The following ABCC9 variants were observed in gnomAD, a reference collection of about 807,000 sequenced individuals.
ABCC9 encodes the protein ATP binding cassette subfamily C member 9, also known as ATP-binding cassette sub-family C member 9.
Under a neutral mutation model 188.3 loss-of-function variants are expected in ABCC9, and 95 were observed. That is an observed-to-expected ratio of 0.50 (90% CI 0.43 to 0.60). ABCC9 has a LOEUF of 0.60. Among genes scored for constraint, ABCC9 ranks in the 20% least tolerant of loss-of-function variants. The probability of loss-of-function intolerance (pLI) is 0.00; values close to 1 mark genes in which losing one functional copy is unlikely to be tolerated. For synonymous variants in ABCC9, 659 were observed against 652.7 expected (o/e 1.01, Z -0.15); for missense variants, 1,102 against 1,876.3 (o/e 0.59, Z 7.62).
intron 12 of ABCC9, among the ~76,000 whole-genome samples, chr12:21,905,015 A>G (rs996067101): frequency 1.3e-5 from 2 of 152,218 alleles, no homozygotes; most frequent in African/African-American, 4.8e-5. Context: ...AATAGCAAAG[A>G]CTTGGACCAA....
intron 14 of ABCC9, among the ~76,000 whole-genome samples, chr12:21,891,977 C>G (rs1374513576): frequency 6.6e-6 from 1 of 152,178 alleles, no homozygotes; most frequent in Non-Finnish European, 1.5e-5. Context: ...TTAATGTTCT[C>G]TGCTTACCAG....
At chr12:21,859,761 C>T (rs1945412126) in intron 21 of ABCC9, 95 bp from the exon 22 acceptor site, 2 of 1,036,194 alleles carry the variant, frequency 1.9e-6, no homozygotes. Context: ...TTTTAAAAAT[C>T]TTAGATTGAT....
chr12:21,823,734 G>T (rs1367557276), intron 31 of ABCC9, among the ~76,000 whole-genome samples: 1 of 152,176 alleles, frequency 6.6e-6, no homozygotes, highest in African/African-American at 2.4e-5. Flanking sequence ...AGTCCAAAGG[G>T]ATGAAGAGAA....
chr12:21,911,082 T>A lies in ABCC9; in HGVS notation c.1012-104A>T, dbSNP rs553740002. On this transcript the variant is annotated intron_variant, in intron 8 of 39. Transcript: ENST00000261200. ...GATACATAATATTTAAATACAAAAA[T>A]TCAATGTATTTATTATACAGCAGTG... 125 of 1,103,526 alleles carry A rather than the reference T, an allele frequency of 1.1e-4. 2 individuals are homozygous for A. The highest frequency in any genetic ancestry group is 1.0e-3 in the South Asian group (71 of 69,388). The allele number at this position is 1,103,526 out of a possible 1,614,324, so 68.4% of individuals were successfully genotyped here.
At chr12:21,903,274 G>A (rs916093798) in intron 12 of ABCC9, among the ~76,000 whole-genome samples, 21 of 152,064 alleles carry the variant, frequency 1.4e-4, no homozygotes, top group African/African-American at 3.4e-4. Context: ...TTGATGGGAC[G>A]TATCTCAAAA....
Position 21,799,626 on chromosome 12 carries a change from C to G in ABCC9, c.*1418G>C, listed in dbSNP as rs895668299. ...GGTGAAGACACATATTCTGGATACACAACTATTACATATTTTCCAAGAGTG... is the reference window on the plus strand; with the variant it reads ...GGTGAAGACACATATTCTGGATACAGAACTATTACATATTTTCCAAGAGTG... On this transcript the variant is annotated 3_prime_UTR_variant, in exon 40 of 40. Transcript: ENST00000261200. 3.3e-5 allele frequency: 5 copies of G among 152,100 alleles called. No homozygotes were observed. The highest frequency in any genetic ancestry group is 9.7e-5 in the African/African-American group (4 of 41,412). 9.4% of individuals were successfully genotyped at this position (152,100 alleles called of 1,614,324 possible).
chr12:21,819,872 C>T (rs932204079), intron 31 of ABCC9, among the ~76,000 whole-genome samples: 26 of 152,150 alleles, frequency 1.7e-4, no homozygotes, highest in Admixed American at 5.2e-4. Context: ...ATAAATTCCA[C>T]AGAGGTAGTA....
At chr12:21,929,496 A>G (rs1240982378) in intron 4 of ABCC9, among the ~76,000 whole-genome samples, 1 of 152,080 alleles carries the variant, frequency 6.6e-6, no homozygotes, top group Non-Finnish European at 1.5e-5. Context: ...ATATTCTATT[A>G]GGAAAGACTT....
chr12:21,876,303 T>C (rs1164930687), intron 16 of ABCC9, among the ~76,000 whole-genome samples: 1 of 152,184 alleles, frequency 6.6e-6, no homozygotes, highest in Non-Finnish European at 1.5e-5. Context: ...ATCCCAAACA[T>C]TTCCCAATGA....
intron 12 of ABCC9, among the ~76,000 whole-genome samples, chr12:21,895,608 T>G (rs1476544423): frequency 6.6e-6 from 1 of 152,222 alleles, no homozygotes; most frequent in African/African-American, 2.4e-5. Flanking sequence ...ATGATAAAAA[T>G]TATTAGAATT....
chr12:21,928,660 A>G (rs7308081), intron 4 of ABCC9, among the ~76,000 whole-genome samples: 1 of 152,130 alleles, frequency 6.6e-6, no homozygotes. Context: ...TTAGAAAAAG[A>G]ATGACAAACC....
At chr12:21,815,148 A>G (rs777015967) in intron 34 of ABCC9, among the ~76,000 whole-genome samples, 1 of 152,002 alleles carries the variant, frequency 6.6e-6, no homozygotes, top group Non-Finnish European at 1.5e-5. Context: ...ACACCACTGC[A>G]CTCCACCCTT....
At chr12:21,871,388 G>T (rs1055776139) in intron 18 of ABCC9, among the ~76,000 whole-genome samples, 1 of 152,132 alleles carries the variant, frequency 6.6e-6, no homozygotes, top group African/African-American at 2.4e-5. Context: ...AGATTTGCTC[G>T]ACAGGGATAA....
chr12:21,822,933 T>C (rs909820305), intron 31 of ABCC9, among the ~76,000 whole-genome samples: 3 of 152,194 alleles, frequency 2.0e-5, no homozygotes, highest in African/African-American at 7.2e-5. Flanking sequence ...AGCAAATGGC[T>C]TAGAGGCAAT....
In ABCC9 at chr12:21,875,718, A is replaced by G. The variant is rs1946307695; in HGVS notation, c.2028T>C (p.Asn676=). 1.2e-6 allele frequency: 2 copies of G among 1,609,270 alleles called. No individual in the cohort carries two copies. Among genetic ancestry groups the G allele is most frequent in the Non-Finnish European group, 1.7e-6 (2 of 1,175,706 alleles). ...AACCACTGCCCCATGAAAAGTATCC[A>G]TTTGTGACCTACAAAATAAAAATAC... is the stretch of plus-strand genomic sequence containing the variant. The part of the protein sequence containing the change: ...ETEDIAIKVT[N]GYFSWGSGLA... Residue 676 remains asparagine (N), a synonymous_variant, in exon 17 of 40, where the codon AAT becomes AAC. Coordinates refer to ENST00000261200, the MANE Select transcript of ABCC9 (RefSeq NM_020297.4).
intron 29 of ABCC9, among the ~76,000 whole-genome samples, chr12:21,839,392 G>A (rs11046205): frequency 0.19 from 28,524 of 152,064 alleles, 2,734 homozygotes; most frequent in African/African-American, 0.21. Context: ...TGGAGGGAAA[G>A]GATAATGAGT....
chr12:21,910,462 T>C lies in ABCC9; in HGVS notation c.1165-150A>G, dbSNP rs1948263934. On this transcript the variant is annotated intron_variant, in intron 9 of 39. Transcript: ENST00000261200. ...AGGATCATCTTCTTAAATCAGCCAC[T>C]ACAGTTATTTCTACTTCAGTATAGT... 2.5e-5 allele frequency: 20 copies of C among 803,474 alleles called. No individual in the cohort carries two copies. The South Asian group carries it at 3.6e-4, about 14-fold the overall frequency. The allele number at this position is 803,474 out of a possible 1,614,324, so 49.8% of individuals were successfully genotyped here.
chr12:21,845,920 A>T, intron 25 of ABCC9, 88 bp from the exon 26 acceptor site: 1 of 972,490 alleles, frequency 1.0e-6, no homozygotes, highest in Non-Finnish European at 1.6e-6. Flanking sequence ...ATAAACATTC[A>T]TACATTTATA....
chr12:21,895,874 A>G (rs995485800), intron 12 of ABCC9, among the ~76,000 whole-genome samples: 3 of 152,162 alleles, frequency 2.0e-5, no homozygotes, highest in African/African-American at 7.2e-5. Context: ...TCAGCATGAT[A>G]TGCCTAGTTG....
Sources: allele counts gnomAD v4.1 joint callset (sites outside exome capture counted in the v4.1 genomes callset), GRCh38; gene constraint gnomAD v4.1.1; transcripts MANE v1.5; gene names NCBI Gene and HGNC (gene_info 2026-07-23, HGNC 2026-07-21).